LDLRAD4: variants seen among roughly 807,000 people sequenced by gnomAD.
LDLRAD4 encodes the protein low-density lipoprotein receptor class A domain-containing protein 4.
In LDLRAD4, 5 loss-of-function variants were observed where a neutral mutation model predicts 17.0. The ratio of observed to expected loss-of-function variants is 0.29; its 90% CI spans 0.15 to 0.62. The LOEUF is 0.62. Among genes scored for constraint, LDLRAD4 ranks in the 20% least tolerant of loss-of-function variants. LDLRAD4 has a pLI of 0.84. For synonymous variants in LDLRAD4, 168 were observed against 171.8 expected (o/e 0.98, Z 0.17); for missense variants, 340 against 424.7 (o/e 0.80, Z 1.75).
intron 3 of LDLRAD4, among the ~76,000 whole-genome samples, chr18:13,574,622 C>T (rs569276207): frequency 2.4e-4 from 37 of 152,322 alleles, no homozygotes; most frequent in African/African-American, 6.0e-4. Flanking sequence ...CCGGCTTTGA[C>T]GCTCATGGAG....
intron 3 of LDLRAD4, among the ~76,000 whole-genome samples, chr18:13,559,777 A>C (rs1042208225): frequency 6.6e-6 from 1 of 152,200 alleles, no homozygotes; most frequent in Non-Finnish European, 1.5e-5. Flanking sequence ...GACATTCGCT[A>C]AATCACTGCC....
intron 3 of LDLRAD4, among the ~76,000 whole-genome samples, chr18:13,476,623 C>CAA (rs11388844): frequency 0.57 from 82,547 of 146,046 alleles, 25,866 homozygotes; most frequent in South Asian, 0.71. Context: ...GAACCTGTCT[C>CAA]AAAAAAAAAA....
chr18:13,599,663 T>C (rs1263295442), intron 3 of LDLRAD4, among the ~76,000 whole-genome samples: 2 of 151,994 alleles, frequency 1.3e-5, no homozygotes, highest in African/African-American at 4.8e-5. Flanking sequence ...GCTAATTTTT[T>C]TGTATTTTTA....
chr18:13,587,924 T>C (rs940456906), intron 3 of LDLRAD4, among the ~76,000 whole-genome samples: 1 of 152,188 alleles, frequency 6.6e-6, no homozygotes, highest in African/African-American at 2.4e-5. Context: ...TTGAATCTCT[T>C]TCATATAAAT....
At chr18:13,567,752 T>TA (rs3833176) in intron 3 of LDLRAD4, among the ~76,000 whole-genome samples, 7,630 of 150,094 alleles carry the variant, frequency 0.051, 279 homozygotes, top group African/African-American at 0.11. Flanking sequence ...CTTTTTTTGT[T>TA]AAAAAAAAAA....
chr18:13,347,711 A>G (rs1349816734), intron 1 of LDLRAD4, among the ~76,000 whole-genome samples: 2 of 152,150 alleles, frequency 1.3e-5, no homozygotes, highest in Admixed American at 1.3e-4. Context: ...AGGTACACCA[A>G]TCAGACGTAG....
intron 3 of LDLRAD4, among the ~76,000 whole-genome samples, chr18:13,560,221 G>C (rs966799607): frequency 3.9e-5 from 6 of 152,124 alleles, no homozygotes; most frequent in African/African-American, 1.4e-4. Flanking sequence ...TGGGTCTGTT[G>C]GCCTGAGCCA....
At chr18:13,363,750 TGTG>T (rs1282044794) in intron 1 of LDLRAD4, among the ~76,000 whole-genome samples, 1 of 152,218 alleles carries the variant, frequency 6.6e-6, no homozygotes. Flanking sequence ...AAATATTGGT[TGTG>T]GTCTCACAGA....
intron 3 of LDLRAD4, among the ~76,000 whole-genome samples, chr18:13,587,751 G>A (rs916293653): frequency 6.6e-6 from 1 of 152,234 alleles, no homozygotes; most frequent in South Asian, 2.1e-4. Context: ...CAGGACTGTT[G>A]TTTATGATTG....
At chr18:13,598,526 G>A (rs894326409) in intron 3 of LDLRAD4, among the ~76,000 whole-genome samples, 8 of 152,172 alleles carry the variant, frequency 5.3e-5, no homozygotes, top group Non-Finnish European at 8.8e-5. Flanking sequence ...AGCCTTTGAG[G>A]TTTGTTCTGA....
intron 1 of LDLRAD4, chr18:13,362,165 C>T (rs1175884320): frequency 6.6e-6 from 1 of 152,172 alleles, no homozygotes; most frequent in Non-Finnish European, 1.5e-5. Flanking sequence ...TTGTCTCATA[C>T]ACTGACTGTT....
At chr18:13,249,711 C>T (rs1335027064) in intron 1 of LDLRAD4, among the ~76,000 whole-genome samples, 2 of 151,800 alleles carry the variant, frequency 1.3e-5, no homozygotes, top group African/African-American at 4.8e-5. Context: ...TGTTTTTACT[C>T]TGTTGATTGC....
intron 1 of LDLRAD4, among the ~76,000 whole-genome samples, chr18:13,384,047 C>T (rs1170492741): frequency 6.6e-6 from 1 of 152,306 alleles, no homozygotes; most frequent in East Asian, 1.9e-4. Context: ...GAACCGCACA[C>T]ATCACTGTCC....
intron 1 of LDLRAD4, among the ~76,000 whole-genome samples, chr18:13,231,550 C>G (rs56929823): frequency 4.6e-5 from 7 of 152,168 alleles, no homozygotes; most frequent in Admixed American, 6.5e-5. Context: ...GATTTCATAT[C>G]GAATTGTTTG....
Position 13,531,846 on chromosome 18 carries a change from G to A in LDLRAD4, c.182-89271G>A, listed in dbSNP as rs1051591129. Among the ~76,000 whole-genome samples the A allele has an allele frequency of 3.9e-5, 6 of 152,142 alleles. No homozygotes were observed. The East Asian group carries it at 5.8e-4, about 15-fold the overall frequency. ...GAGGGGGTGAGGGTCCTCTGAGGGCGGGAGCGGCCATATGCAGGAGGCTGC... is the reference window on the plus strand; with the variant it reads ...GAGGGGGTGAGGGTCCTCTGAGGGCAGGAGCGGCCATATGCAGGAGGCTGC... On this transcript the variant is annotated intron_variant, in intron 3 of 5. Coordinates refer to ENST00000359446, the Ensembl canonical transcript of LDLRAD4.
Position 13,596,358 on chromosome 18 carries a change from T to C in LDLRAD4, c.182-24759T>C, listed in dbSNP as rs149256135. ...TTTTGTTCATTTCACTCTTATGTAA[T>C]CTTATTGATGTAGTTTGATTGGCAT... is the stretch of plus-strand genomic sequence containing the variant. On this transcript the variant is annotated intron_variant, in intron 3 of 5. Coordinates refer to ENST00000359446, the Ensembl canonical transcript of LDLRAD4. Among the ~76,000 whole-genome samples, 162 of 152,334 alleles carry C rather than the reference T, an allele frequency of 1.1e-3. 2 individuals are homozygous for C. Among genetic ancestry groups the C allele is most frequent in the African/African-American group, 3.7e-3 (154 of 41,592 alleles).
At chr18:13,581,251 G>A (rs886120152) in intron 3 of LDLRAD4, among the ~76,000 whole-genome samples, 5 of 152,138 alleles carry the variant, frequency 3.3e-5, no homozygotes, top group Admixed American at 6.5e-5. Flanking sequence ...GTGTCATGTC[G>A]GCTCTCAAAA....
At chr18:13,630,427 G>C (rs2041564697) in intron 4 of LDLRAD4, among the ~76,000 whole-genome samples, 1 of 152,118 alleles carries the variant, frequency 6.6e-6, no homozygotes, top group Non-Finnish European at 1.5e-5. Flanking sequence ...GGAGAAAACA[G>C]GGAAAATTGA....
At chr18:13,606,826 G>A (rs760208926) in intron 3 of LDLRAD4, among the ~76,000 whole-genome samples, 2 of 152,128 alleles carry the variant, frequency 1.3e-5, no homozygotes, top group Admixed American at 6.5e-5. Flanking sequence ...TAGCATAGTC[G>A]TAAACCTCAA....
Sources: allele counts gnomAD v4.1 joint callset (sites outside exome capture counted in the v4.1 genomes callset), GRCh38; gene constraint gnomAD v4.1.1; transcripts MANE v1.5; gene names NCBI Gene and HGNC (gene_info 2026-07-23, HGNC 2026-07-21).